LDAF1: variants seen among roughly 807,000 people sequenced by gnomAD.
LDAF1 encodes lipid droplet assembly factor 1.
A neutral mutation model predicts 13.5 loss-of-function variants in LDAF1; 7 were observed. That is an observed-to-expected ratio of 0.52 (90% CI 0.29 to 0.97). The LOEUF (loss-of-function observed/expected upper bound fraction) is 0.97. Among genes scored for constraint, LDAF1 ranks in the 50% least tolerant of loss-of-function variants. LDAF1 has a pLI of 0.07. For synonymous variants in LDAF1, 69 were observed against 77.1 expected (o/e 0.89, Z 0.55); for missense variants, 148 against 193.2 (o/e 0.77, Z 1.39).
At chr16:21,178,162 C>T in intron 4 of LDAF1, 1 of 963,138 alleles carries the variant, frequency 1.0e-6, no homozygotes, top group Non-Finnish European at 1.2e-6. Flanking sequence ...CACTGACCTG[C>T]CTCCTATGTA....
In LDAF1 at chr16:21,175,276, C is replaced by A. The variant is rs2093128922; in HGVS notation, c.404+1128C>A. 4.6e-5 allele frequency among the ~76,000 whole-genome samples: 7 copies of A among 152,172 alleles called. No individual in the cohort carries two copies. In the South Asian group the frequency reaches 1.5e-3, roughly 32 times the overall value. ...GGGACTCTCTTAAACACTTTCCAGG[C>A]CTTATGTCATGTAATCCTTAACAAT... On this transcript the variant is annotated intron_variant, in intron 4 of 4. Coordinates refer to ENST00000233047, the MANE Select transcript of LDAF1 (RefSeq NM_001301771.2).
At position 21,180,167 on chromosome 16, in the gene LDAF1, A is replaced by G. The variant is rs947241477; in HGVS notation, c.*611A>G. 2.0e-5 allele frequency: 3 copies of G among 151,490 alleles called. No homozygotes were observed. The highest frequency in any genetic ancestry group is 7.3e-5 in the African/African-American group (3 of 41,106). 9.4% of individuals were successfully genotyped at this position (151,490 alleles called of 1,614,324 possible). On this transcript the variant is annotated 3_prime_UTR_variant, in exon 5 of 5. Coordinates refer to ENST00000233047, the MANE Select transcript of LDAF1 (RefSeq NM_001301771.2). ...CTGTTAAGTACTGTTAATCTTTTAC[A>G]TATTTGCACTTGGTACTGTTGTATT...
intron 2 of LDAF1, among the ~76,000 whole-genome samples, chr16:21,166,262 AT>A (rs912963198): frequency 3.6e-4 from 55 of 151,500 alleles, no homozygotes; most frequent in African/African-American, 7.0e-4. Flanking sequence ...GATATTTTGC[AT>A]TTTTTTTTCT....
chr16:21,159,435 C>T, intron 1 of LDAF1: 2 of 1,613,836 alleles, frequency 1.2e-6, no homozygotes, highest in South Asian at 2.2e-5. Flanking sequence ...CGCCCTGTAG[C>T]TCCCATCCCC....
chr16:21,178,259 G>A (rs1179746668), intron 4 of LDAF1: 7 of 985,194 alleles, frequency 7.1e-6, no homozygotes, highest in South Asian at 4.7e-5. Flanking sequence ...AGGAGAAGTA[G>A]GGGCCCTGGG....
At chr16:21,162,301 C>T (rs1383654303) in intron 2 of LDAF1, among the ~76,000 whole-genome samples, 1 of 152,032 alleles carries the variant, frequency 6.6e-6, no homozygotes, top group African/African-American at 2.4e-5. Context: ...CTCTTCAAAA[C>T]CCCCCGTGCG....
Position 21,173,988 on chromosome 16 carries a change from C to G in LDAF1, c.266-22C>G, listed in dbSNP as rs748926072. 4 of 1,605,522 alleles carry G rather than the reference C, an allele frequency of 2.5e-6. No individual in the cohort carries two copies. In the South Asian group the frequency reaches 4.5e-5, roughly 18 times the overall value. On this transcript the variant is annotated intron_variant, in intron 3 of 4. Transcript: ENST00000233047. The stretch of plus-strand genomic sequence containing the variant: ...CAACCTGTTTGAGATGAACCCTTCT[C>G]CTAACCACGTTCTCCTCCTAGGATT...
intron 3 of LDAF1, among the ~76,000 whole-genome samples, chr16:21,172,427 T>G (rs2093098179): frequency 6.6e-6 from 1 of 151,000 alleles, no homozygotes; most frequent in Non-Finnish European, 1.5e-5. Flanking sequence ...CCCTGGGTGA[T>G]AAGAGTGAGA....
intron 4 of LDAF1, among the ~76,000 whole-genome samples, chr16:21,177,990 G>A (rs1373231862): frequency 6.6e-6 from 1 of 152,062 alleles, no homozygotes; most frequent in African/African-American, 2.4e-5. Flanking sequence ...TGGAATGGGG[G>A]GAAGAGGAGC....
chr16:21,162,970 A>G lies in LDAF1; in HGVS notation c.96+1692A>G, dbSNP rs565088416. ...ATTTTTGTCAGCTGATCAGTACATA[A>G]CCTCGTTTTATGTGTATTTCTGTTT... On this transcript the variant is annotated intron_variant, in intron 2 of 4. Transcript: ENST00000233047. Among the ~76,000 whole-genome samples, 210 of 152,200 alleles carry G rather than the reference A, an allele frequency of 1.4e-3. 1 individual carries two copies. Among genetic ancestry groups the G allele is most frequent in the Admixed American group, 4.0e-3 (61 of 15,282 alleles).
At position 21,159,549 on chromosome 16, in the gene LDAF1, G is replaced by A. The variant is rs966493688; in HGVS notation, c.-99+803G>A. On this transcript the variant is annotated intron_variant, in intron 1 of 4. Transcript: ENST00000233047. Reference sequence around the variant, plus strand: ...GCCAGGAGATTTATTTGGAGCCTTGGAAGGGGAAAGGGTTAGCTGGTGTTG... The same window carrying A: ...GCCAGGAGATTTATTTGGAGCCTTGAAAGGGGAAAGGGTTAGCTGGTGTTG... 5.6e-6 allele frequency: 6 copies of A among 1,076,186 alleles called. No homozygotes were observed. In the Admixed American group the frequency reaches 1.1e-4, roughly 20 times the overall value. 66.7% of individuals were successfully genotyped at this position (1,076,186 alleles called of 1,614,324 possible).
At chr16:21,166,981 A>G in intron 2 of LDAF1, 1 of 1,429,334 alleles carries the variant, frequency 7.0e-7, no homozygotes, top group Non-Finnish European at 9.5e-7. Flanking sequence ...TTTTGTCAGA[A>G]TGGTGGGGTA....
chr16:21,168,969 T>C (rs2093058603), intron 2 of LDAF1, among the ~76,000 whole-genome samples: 1 of 81,718 alleles, frequency 1.2e-5, no homozygotes, highest in South Asian at 5.3e-4. Context: ...TATAATATAT[T>C]ATATTATATA....
At chr16:21,159,280 A>G (rs1240381292) in intron 1 of LDAF1, 1 of 1,533,784 alleles carries the variant, frequency 6.5e-7, no homozygotes, top group Non-Finnish European at 9.0e-7. Context: ...CTGAGTTCCC[A>G]TTATTCAGTC....
chr16:21,178,663 G>GA (rs950619127), intron 4 of LDAF1: 2 of 152,130 alleles, frequency 1.3e-5, no homozygotes, highest in Admixed American at 6.6e-5. Flanking sequence ...CAGAAAAGGA[G>GA]AAAAAAATGG....
intron 2 of LDAF1, among the ~76,000 whole-genome samples, chr16:21,167,809 C>CCAGCCTG (rs1003380684): frequency 1.4e-5 from 2 of 145,658 alleles, no homozygotes; most frequent in African/African-American, 5.1e-5. Flanking sequence ...GAATTCGAGA[C>CCAGCCTG]CAGCCTGGAC....
At chr16:21,160,169 C>T (rs2092952992) in intron 1 of LDAF1, among the ~76,000 whole-genome samples, 1 of 115,420 alleles carries the variant, frequency 8.7e-6, no homozygotes, top group Non-Finnish European at 1.7e-5. Context: ...ATCTTTTAAG[C>T]ATTTGTACTG....
rs750499958 is a variant in LDAF1 at position 21,174,025 on chromosome 16, T to G, written c.281T>G (p.Val94Gly). ...CTCCTCCTAGGATTGGTCATCTCTG[T>G]GGGTGGCTTCTCACTGCTCTGCATC... ...VIILEGLVIS[V>G]GGFSLLCILC... Residue 94 changes from valine to glycine, a missense_variant, in exon 4 of 5, where the codon GTG becomes GGG. Transcript: ENST00000233047. The G allele has an allele frequency of 6.2e-7, 1 of 1,613,542 alleles. No homozygotes were observed. Among genetic ancestry groups the G allele is most frequent in the Non-Finnish European group, 8.5e-7 (1 of 1,179,824 alleles).
At chr16:21,173,792 G>A (rs550710406) in intron 3 of LDAF1, among the ~76,000 whole-genome samples, 4 of 152,224 alleles carry the variant, frequency 2.6e-5, no homozygotes, top group Admixed American at 1.3e-4. Context: ...TGGAGGCAAC[G>A]GGAGGGCCAG....
Sources: gnomAD v4.1 joint callset for allele counts (sites outside exome capture counted in the v4.1 genomes callset) on GRCh38, gnomAD v4.1.1 for gene constraint, MANE v1.5 for transcripts, NCBI Gene and HGNC (gene_info 2026-07-23, HGNC 2026-07-21) for gene names.